The following SLC24A2 variants were observed in gnomAD, a reference collection of about 807,000 sequenced individuals.
SLC24A2 encodes solute carrier family 24 member 2, also known as sodium/potassium/calcium exchanger 2.
Under a neutral mutation model 62.0 loss-of-function variants are expected in SLC24A2, and 36 were observed. That is an observed-to-expected ratio of 0.58 (90% confidence interval 0.44 to 0.77). The LOEUF is 0.77. Among genes scored for constraint, SLC24A2 ranks in the 30% least tolerant of loss-of-function variants. The pLI is 0.00. For missense variants in SLC24A2, 846 were observed against 817.9 expected (o/e 1.03, Z -0.42); for synonymous variants, 358 against 294.0 (o/e 1.22, Z -2.23).
At chr9:19,974,475 G>T in the SLC24A2 span, among the ~76,000 whole-genome samples, 1 of 152,078 alleles carries the variant, frequency 6.6e-6, no homozygotes, top group African/African-American at 2.4e-5. Context: ...TTACAGTTTT[G>T]CCTGCTTTTG....
At chr9:20,160,520 A>C in the SLC24A2 span, among the ~76,000 whole-genome samples, 16 of 151,414 alleles carry the variant, frequency 1.1e-4, no homozygotes, top group Admixed American at 7.3e-4. Flanking sequence ...ATTCACAAAA[A>C]TTGATATGGT....
chr9:20,205,649 T>TAAAAAAAAAAAAAAAAAAAA, the SLC24A2 span, among the ~76,000 whole-genome samples: 1 of 65,306 alleles, frequency 1.5e-5, no homozygotes, highest in Non-Finnish European at 2.7e-5. Flanking sequence ...AGACTCCATC[T>TAAAAAAAAAAAAAAAAAAAA]AAAAAAAAAA....
At chr9:20,097,270 G>A in the SLC24A2 span, among the ~76,000 whole-genome samples, 2 of 152,104 alleles carry the variant, frequency 1.3e-5, no homozygotes, top group African/African-American at 4.8e-5. Flanking sequence ...TACTCCAATT[G>A]CCCGATAATT....
the SLC24A2 span, among the ~76,000 whole-genome samples, chr9:20,305,359 C>T: frequency 6.6e-6 from 1 of 152,080 alleles, no homozygotes; most frequent in Non-Finnish European, 1.5e-5. Context: ...ACCCCCTCGG[C>T]CTCCCAAAGT....
At chr9:20,028,671 A>G in the SLC24A2 span, among the ~76,000 whole-genome samples, 4 of 152,196 alleles carry the variant, frequency 2.6e-5, no homozygotes, top group Admixed American at 2.6e-4. Context: ...CAGGCTTACT[A>G]GAAAGCTCCC....
intron 10 of SLC24A2, among the ~76,000 whole-genome samples, chr9:19,516,686 T>A (rs1176722097): frequency 6.6e-6 from 1 of 152,208 alleles, no homozygotes; most frequent in Non-Finnish European, 1.5e-5. Context: ...ATTTGCGAAT[T>A]TGACTGGAAA....
the SLC24A2 span, among the ~76,000 whole-genome samples, chr9:20,243,685 G>T: frequency 1.8e-4 from 28 of 152,126 alleles, no homozygotes; most frequent in Admixed American, 1.1e-3. Flanking sequence ...CAATGTCTTA[G>T]AAGACTTTTA....
the SLC24A2 span, among the ~76,000 whole-genome samples, chr9:19,942,410 C>A: frequency 6.6e-6 from 1 of 152,160 alleles, no homozygotes; most frequent in African/African-American, 2.4e-5. Context: ...CATGGAGAAT[C>A]AGTGTCTGAT....
chr9:19,649,737 C>G (rs1049905516), intron 2 of SLC24A2, among the ~76,000 whole-genome samples: 14 of 152,190 alleles, frequency 9.2e-5, no homozygotes, highest in African/African-American at 2.9e-4. Flanking sequence ...GAAATATGGA[C>G]AGCGGAAAGA....
intron 2 of SLC24A2, among the ~76,000 whole-genome samples, chr9:19,720,799 T>C (rs1299796069): frequency 6.6e-6 from 1 of 151,262 alleles, no homozygotes; most frequent in Non-Finnish European, 1.5e-5. Flanking sequence ...TTGATTTTCT[T>C]TTTGTAGTTC....
chr9:19,757,996 C>A (rs553972034), intron 2 of SLC24A2, among the ~76,000 whole-genome samples: 1 of 152,204 alleles, frequency 6.6e-6, no homozygotes, highest in Admixed American at 6.5e-5. Flanking sequence ...TATGAAAGCC[C>A]TCCCCAGAAG....
At chr9:20,119,368 G>C in the SLC24A2 span, among the ~76,000 whole-genome samples, 2 of 151,956 alleles carry the variant, frequency 1.3e-5, no homozygotes, top group African/African-American at 4.8e-5. Context: ...TAAAATTTGA[G>C]TAAAAATATA....
chr9:19,730,016 C>T (rs1426155019), intron 2 of SLC24A2, among the ~76,000 whole-genome samples: 2 of 151,830 alleles, frequency 1.3e-5, no homozygotes, highest in African/African-American at 2.4e-5. Flanking sequence ...CAATTGAAAA[C>T]GTAAAATTAA....
At chr9:20,097,944 A>G in the SLC24A2 span, among the ~76,000 whole-genome samples, 11 of 151,546 alleles carry the variant, frequency 7.3e-5, no homozygotes, top group Non-Finnish European at 1.3e-4. Flanking sequence ...GGGTTTCACC[A>G]TGTTAGCCAG....
intron 7 of SLC24A2, among the ~76,000 whole-genome samples, chr9:19,553,611 C>T (rs1834946299): frequency 6.6e-6 from 1 of 152,162 alleles, no homozygotes; most frequent in African/African-American, 2.4e-5. Context: ...TTAAAAGAGT[C>T]AGTGCAGCAT....
At chr9:20,094,635 G>A in the SLC24A2 span, among the ~76,000 whole-genome samples, 1 of 152,090 alleles carries the variant, frequency 6.6e-6, no homozygotes, top group Non-Finnish European at 1.5e-5. Context: ...TATGTCTTTT[G>A]AACAGTTCTA....
the SLC24A2 span, among the ~76,000 whole-genome samples, chr9:19,959,413 A>T: frequency 6.6e-6 from 1 of 152,208 alleles, no homozygotes; most frequent in Admixed American, 6.5e-5. Context: ...TCAAGCGATG[A>T]TCACTCTTGT....
the SLC24A2 span, among the ~76,000 whole-genome samples, chr9:20,196,902 T>C: frequency 3.3e-5 from 5 of 152,212 alleles, no homozygotes; most frequent in Non-Finnish European, 5.9e-5. Context: ...CATATATGCC[T>C]TGTATAAAGT....
the SLC24A2 span, among the ~76,000 whole-genome samples, chr9:20,286,888 C>T: frequency 6.6e-6 from 1 of 152,160 alleles, no homozygotes; most frequent in Non-Finnish European, 1.5e-5. Context: ...CTAACTCTTA[C>T]CCCAACACTC....
Sources: allele counts gnomAD v4.1 joint callset (sites outside exome capture counted in the v4.1 genomes callset), GRCh38; gene constraint gnomAD v4.1.1; transcripts MANE v1.5; gene names NCBI Gene and HGNC (gene_info 2026-07-23, HGNC 2026-07-21).